IQSEC1: variants seen among roughly 807,000 people sequenced by gnomAD.
IQSEC1 encodes the protein IQ motif and Sec7 domain ArfGEF 1.
In IQSEC1, 31 loss-of-function variants were observed where a neutral mutation model predicts 91.0. The observed-to-expected ratio is 0.34, with a 90% confidence interval of 0.26 to 0.46. The LOEUF (loss-of-function observed/expected upper bound fraction) is 0.46, where lower values mean the gene tolerates loss of function less well. IQSEC1 is among the 20% of genes least tolerant of loss of function. The probability of loss-of-function intolerance (pLI) is 1.00; values close to 1 mark genes in which losing one functional copy is unlikely to be tolerated. For missense variants in IQSEC1, 1,388 were observed against 1,575.6 expected (o/e 0.88, Z 2.02); for synonymous variants, 699 against 662.6 (o/e 1.05, Z -0.84).
intron 1 of IQSEC1, among the ~76,000 whole-genome samples, chr3:13,234,599 C>T (rs183994370): frequency 2.3e-4 from 35 of 152,118 alleles, no homozygotes; most frequent in African/African-American, 7.2e-4. Context: ...TGGGCTGGTA[C>T]GAGAAAAAGA....
At chr3:13,114,318 G>A (rs1487998946) in intron 2 of IQSEC1, among the ~76,000 whole-genome samples, 3 of 152,190 alleles carry the variant, frequency 2.0e-5, no homozygotes, top group Non-Finnish European at 4.4e-5. Flanking sequence ...AATTACAGGT[G>A]GGGTGTCACG....
At chr3:13,265,916 C>CAA (rs34132019) in intron 1 of IQSEC1, among the ~76,000 whole-genome samples, 1,810 of 110,712 alleles carry the variant, frequency 0.016, 40 homozygotes, top group South Asian at 0.042. Context: ...TGCTTTATTG[C>CAA]AAAAAAAAAA....
intron 1 of IQSEC1, among the ~76,000 whole-genome samples, chr3:13,055,557 A>G (rs360889): frequency 0.61 from 92,527 of 152,122 alleles, 29,572 homozygotes; most frequent in East Asian, 0.87. Context: ...GATCAGAGGC[A>G]TAACTCAAAG....
chr3:13,085,859 C>T (rs1193413874), intron 2 of IQSEC1, among the ~76,000 whole-genome samples: 8 of 152,244 alleles, frequency 5.3e-5, no homozygotes, highest in African/African-American at 1.7e-4. Context: ...GCGGGGAACA[C>T]AGACATAGTG....
At chr3:12,980,312 G>A (rs2125583428) in intron 1 of IQSEC1, among the ~76,000 whole-genome samples, 2 of 152,310 alleles carry the variant, frequency 1.3e-5, no homozygotes, top group Non-Finnish European at 1.5e-5. Flanking sequence ...GAGCCCCTGA[G>A]CCAAGTCAGC....
intron 2 of IQSEC1, among the ~76,000 whole-genome samples, chr3:13,112,716 G>A (rs767990559): frequency 1.7e-4 from 26 of 152,190 alleles, no homozygotes; most frequent in Non-Finnish European, 3.2e-4. Flanking sequence ...CTGCAGCTTT[G>A]GGTACGGGGG....
chr3:13,084,467 C>G (rs1350254044), intron 2 of IQSEC1, among the ~76,000 whole-genome samples: 2 of 152,066 alleles, frequency 1.3e-5, no homozygotes, highest in Non-Finnish European at 2.9e-5. Flanking sequence ...GTTTTAGGCA[C>G]CAGGACTTAG....
chr3:12,913,823 T>G (rs1276876943), intron 8 of IQSEC1, among the ~76,000 whole-genome samples: 1 of 152,204 alleles, frequency 6.6e-6, no homozygotes, highest in Admixed American at 6.5e-5. Context: ...TGCTGAGACC[T>G]CCTTTCCATT....
intron 1 of IQSEC1, among the ~76,000 whole-genome samples, chr3:13,000,599 G>A (rs1702380834): frequency 6.6e-6 from 1 of 152,200 alleles, no homozygotes; most frequent in Non-Finnish European, 1.5e-5. Flanking sequence ...TTACTAGGAC[G>A]AGCACAGGGC....
intron 1 of IQSEC1, among the ~76,000 whole-genome samples, chr3:13,236,140 G>A (rs1234778464): frequency 6.6e-6 from 1 of 152,134 alleles, no homozygotes; most frequent in African/African-American, 2.4e-5. Flanking sequence ...CCGCTGCACA[G>A]AAGTTCAAGG....
At chr3:13,094,753 C>T (rs546331946) in intron 2 of IQSEC1, among the ~76,000 whole-genome samples, 3 of 152,318 alleles carry the variant, frequency 2.0e-5, no homozygotes, top group Non-Finnish European at 4.4e-5. Flanking sequence ...CCAGCAGCCA[C>T]GAGCTCCGGG....
intron 1 of IQSEC1, among the ~76,000 whole-genome samples, chr3:13,037,837 A>T (rs920726871): frequency 6.6e-6 from 1 of 152,148 alleles, no homozygotes; most frequent in Non-Finnish European, 1.5e-5. Flanking sequence ...AAGAAAGTAG[A>T]ATGGTGGCTG....
intron 1 of IQSEC1, among the ~76,000 whole-genome samples, chr3:13,170,653 G>A (rs2124999697): frequency 6.6e-6 from 1 of 152,332 alleles, no homozygotes; most frequent in African/African-American, 2.4e-5. Context: ...CCAGTAGGAG[G>A]TTTTCACCAC....
chr3:13,050,888 ATATAT>A (rs1308492933), intron 1 of IQSEC1, among the ~76,000 whole-genome samples: 6 of 152,256 alleles, frequency 3.9e-5, no homozygotes, highest in South Asian at 2.1e-4. Context: ...TACAAATAAA[ATATAT>A]TATGTTAACA....
In IQSEC1 at chr3:12,940,782, A is replaced by C. The variant is rs1698674281; in HGVS notation, c.318+789T>G. Among the ~76,000 whole-genome samples, 1 of 152,222 alleles carries C rather than the reference A, an allele frequency of 6.6e-6. No individual in the cohort carries two copies. The highest frequency in any genetic ancestry group is 1.5e-5 in the Non-Finnish European group (1 of 68,024). On this transcript the variant is annotated intron_variant, in intron 2 of 13. Coordinates refer to ENST00000613206, the MANE Select transcript of IQSEC1 (RefSeq NM_001134382.3). This position sits in a 1 kb window ranked among gnomAD's most constrained non-coding sequence, Gnocchi z 4.4. Reference sequence around the variant, plus strand: ...CACTCATCCATCTGTGCAGTCACTCAGATCCTCATTCAAACACCTACTGTG... The same window carrying C: ...CACTCATCCATCTGTGCAGTCACTCCGATCCTCATTCAAACACCTACTGTG...
At chr3:12,976,456 C>A (rs138789714) in intron 1 of IQSEC1, among the ~76,000 whole-genome samples, 1,981 of 152,350 alleles carry the variant, frequency 0.013, 22 homozygotes, top group Non-Finnish European at 0.019. Context: ...TACAGATCCC[C>A]CTGGGAGCCT....
chr3:13,208,201 A>C (rs1349027494), intron 1 of IQSEC1, among the ~76,000 whole-genome samples: 1 of 150,604 alleles, frequency 6.6e-6, no homozygotes, highest in Non-Finnish European at 1.5e-5. Context: ...TTGGGGCTTA[A>C]CTGAGCAGGG....
intron 1 of IQSEC1, among the ~76,000 whole-genome samples, chr3:12,954,200 C>T (rs1032589563): frequency 1.3e-5 from 2 of 152,224 alleles, no homozygotes; most frequent in Non-Finnish European, 2.9e-5. Context: ...GGCCAGGCCA[C>T]ACCCTCCACG....
chr3:13,170,696 C>T (rs939468905), intron 1 of IQSEC1, among the ~76,000 whole-genome samples: 7 of 152,182 alleles, frequency 4.6e-5, no homozygotes, highest in African/African-American at 1.7e-4. Context: ...AAGCTATTAG[C>T]TTTGAAGCAA....
Sources: gnomAD v4.1 joint callset for allele counts (sites outside exome capture counted in the v4.1 genomes callset) on GRCh38, gnomAD v4.1.1 for gene constraint, Gnocchi (gnomAD v3.1) non-coding constraint, MANE v1.5 for transcripts, NCBI Gene and HGNC (gene_info 2026-07-23, HGNC 2026-07-21) for gene names.